The following AGBL2 variants were observed in gnomAD, a reference collection of about 807,000 sequenced individuals.
AGBL2 encodes the protein AGBL carboxypeptidase 2.
Under a neutral mutation model 103.0 loss-of-function variants are expected in AGBL2, and 87 were observed. The observed-to-expected ratio is 0.84, with a 90% CI of 0.71 to 1.01. The LOEUF (loss-of-function observed/expected upper bound fraction) is 1.01, where lower values mean the gene tolerates loss of function less well. AGBL2 is among the 50% of genes least tolerant of loss of function. The pLI is 0.00. For synonymous variants in AGBL2, 335 were observed against 356.7 expected, an observed-to-expected ratio of 0.94 and a Z score of 0.69; for missense variants, 904 against 1,023.5, an observed-to-expected ratio of 0.88 and a Z score of 1.59.
At chr11:47,686,096 C>T in intron 10 of AGBL2, 47 bp from the exon 11 acceptor site, 2 of 1,570,604 alleles carry the variant, frequency 1.3e-6, no homozygotes, top group Non-Finnish European at 1.7e-6. Context: ...CAAATGCATA[C>T]AAATAATTAA....
rs1462917680 is a variant in AGBL2 at position 47,680,046 on chromosome 11, A to G, written c.1943T>C (p.Ile648Thr). 1 of 1,609,116 alleles carries G rather than the reference A, an allele frequency of 6.2e-7. No individual in the cohort carries two copies. Among genetic ancestry groups the G allele is most frequent in the East Asian group, 2.2e-5 (1 of 44,762 alleles). ...ATAACCTAAGGACTTCAGATCTTCG[A>G]TGGTAAAGTGGGTGTCTCTTTTATT... Reference protein sequence around the residue: ...LGNKRDTHFTIEDLKSLGYHV... With the variant: ...LGNKRDTHFTTEDLKSLGYHV... Residue 648 changes from isoleucine (I) to threonine (T), a missense_variant, in exon 13 of 19, where the codon ATC becomes ACC. Coordinates refer to ENST00000525123, the MANE Select transcript of AGBL2 (RefSeq NM_024783.4).
intron 12 of AGBL2, among the ~76,000 whole-genome samples, chr11:47,681,609 C>G (rs1015287187): frequency 6.6e-6 from 1 of 152,110 alleles, no homozygotes; most frequent in Admixed American, 6.6e-5. Flanking sequence ...CTGGGACTAC[C>G]GGCACGTGCC....
chr11:47,685,766 T>C (rs746278273), intron 11 of AGBL2, 127 bp downstream of exon 11: 52 of 1,039,860 alleles, frequency 5.0e-5, no homozygotes, highest in Middle Eastern at 3.2e-4. Flanking sequence ...TCTTGAAGTC[T>C]AGGTTGCTCG....
At chr11:47,706,349 T>C (rs1367421559) in intron 4 of AGBL2, among the ~76,000 whole-genome samples, 1 of 151,876 alleles carries the variant, frequency 6.6e-6, no homozygotes, top group African/African-American at 2.4e-5. Flanking sequence ...ATCCTGTCTC[T>C]ACTAAAAATA....
At chr11:47,673,748 C>T (rs967903371) in intron 14 of AGBL2, among the ~76,000 whole-genome samples, 3 of 140,168 alleles carry the variant, frequency 2.1e-5, no homozygotes, top group Non-Finnish European at 4.5e-5. Flanking sequence ...GAGCTGAGAT[C>T]ACGCCATTGG....
chr11:47,690,112 A>T lies in AGBL2; in HGVS notation c.1595T>A (p.Phe532Tyr). ...RHYKTILKES[F>Y]PCIWYTRNMI... ...GTTCCTGGTGTACCAAATACAAGGG[A>T]AAGACTCCTTCAGAATGGTTTTATA... The change falls in exon 10 of 19, where the codon TTC becomes TAC. Residue 532 changes from phenylalanine to tyrosine, a missense_variant. Coordinates refer to ENST00000525123, the MANE Select transcript of AGBL2 (RefSeq NM_024783.4). The T allele has an allele frequency of 6.2e-7, 1 of 1,611,786 alleles. No homozygotes were observed. Among genetic ancestry groups the T allele is most frequent in the Non-Finnish European group, 8.5e-7 (1 of 1,179,456 alleles).
intron 16 of AGBL2, 65 bp from the exon 17 acceptor site, chr11:47,667,128 A>G (rs2097343373): frequency 3.8e-5 from 43 of 1,129,218 alleles, no homozygotes; most frequent in Non-Finnish European, 5.4e-5. Context: ...AATTTACCCA[A>G]CAGCAAAACT....
In AGBL2 at chr11:47,710,509, G is replaced by A. The variant is rs1388941024; in HGVS notation, c.100C>T (p.Gln34Ter). ...HLQYYGYFKA[Q>*]RGSLPNSATH... ...GCAGAGTTTGGTAAACTGCCTCTCT[G>A]AGCTAAAAATTGGCAGTTTAATTAA... is the stretch of plus-strand genomic sequence containing the variant. The change falls in exon 4 of 19, where the codon CAG becomes TAG. Residue 34 changes from glutamine to a stop codon, truncating the protein, a stop_gained and splice_region_variant. Coordinates refer to ENST00000525123, the MANE Select transcript of AGBL2 (RefSeq NM_024783.4). LOFTEE classifies it high-confidence loss of function. 4.3e-6 allele frequency: 7 copies of A among 1,613,922 alleles called. No homozygotes were observed. Among genetic ancestry groups the A allele is most frequent in the Non-Finnish European group, 5.9e-6 (7 of 1,180,034 alleles).
Position 47,705,574 on chromosome 11 carries a change from G to A in AGBL2, c.347C>T (p.Pro116Leu), listed in dbSNP as rs1356740758. ...WRGLSSLQPP[P>L]PRFKDSPASA... is the part of the protein sequence containing the mutation. ...GGCAGGAGAATCCTTGAATCTGGGAGGTGGAGGTTGCAGTGAGCTGAGGCC... is the reference window on the plus strand; with the variant it reads ...GGCAGGAGAATCCTTGAATCTGGGAAGTGGAGGTTGCAGTGAGCTGAGGCC... Residue 116 changes from proline to leucine, a missense_variant, in exon 6 of 19, where the codon CCT becomes CTT. Transcript: ENST00000525123. 3 of 473,384 alleles carry A rather than the reference G, an allele frequency of 6.3e-6. No individual in the cohort carries two copies. In the Admixed American group the frequency reaches 9.7e-5, roughly 15 times the overall value. 29.3% of individuals were successfully genotyped at this position (473,384 alleles called of 1,614,324 possible). A position where few individuals can be genotyped will look rare whatever the true frequency, so the allele number is the denominator to read the frequency against.
chr11:47,711,661 G>A (rs1193697061), intron 3 of AGBL2, among the ~76,000 whole-genome samples: 2 of 152,208 alleles, frequency 1.3e-5, no homozygotes, highest in Non-Finnish European at 1.5e-5. Flanking sequence ...CGCCTTCCGA[G>A]TAGCTGGGAT....
chr11:47,666,921 T>A (rs1371485461), intron 17 of AGBL2, 35 bp downstream of exon 17: 1 of 1,319,422 alleles, frequency 7.6e-7, no homozygotes, highest in African/African-American at 1.4e-5. Context: ...GGTTAGAGAA[T>A]CTGTGTGACA....
At chr11:47,709,249 A>G (rs1188482127) in intron 4 of AGBL2, among the ~76,000 whole-genome samples, 1 of 151,280 alleles carries the variant, frequency 6.6e-6, no homozygotes, top group East Asian at 2.0e-4. Flanking sequence ...AATTGATTGG[A>G]GGGGGCGGGG....
At chr11:47,661,956 C>A (rs139808394) in intron 18 of AGBL2, among the ~76,000 whole-genome samples, 9 of 152,054 alleles carry the variant, frequency 5.9e-5, no homozygotes, top group Non-Finnish European at 1.2e-4. Flanking sequence ...ACCATGTTGG[C>A]CAGGCTGGTC....
At chr11:47,675,740 T>C (rs2097372695) in intron 14 of AGBL2, among the ~76,000 whole-genome samples, 1 of 152,044 alleles carries the variant, frequency 6.6e-6, no homozygotes, top group African/African-American at 2.4e-5. Context: ...GCATGGTGTC[T>C]CACGCTTGTA....
At chr11:47,682,634 C>CCT (rs1253081126) in intron 11 of AGBL2, among the ~76,000 whole-genome samples, 2 of 152,148 alleles carry the variant, frequency 1.3e-5, no homozygotes, top group Non-Finnish European at 2.9e-5. Context: ...TGCCTGGAAC[C>CCT]CTCTCCCTTA....
intron 10 of AGBL2, 148 bp from the exon 11 acceptor site, chr11:47,686,197 C>T: frequency 1.3e-6 from 1 of 752,670 alleles, no homozygotes. Context: ...TGGACCCTAT[C>T]TCCATTCTCA....
chr11:47,676,464 C>T (rs1490210917), intron 14 of AGBL2, among the ~76,000 whole-genome samples: 4 of 152,192 alleles, frequency 2.6e-5, no homozygotes, highest in Non-Finnish European at 5.9e-5. Flanking sequence ...AGTCTCCCTG[C>T]TTAGAACTTC....
intron 1 of AGBL2, 140 bp from the exon 2 acceptor site, chr11:47,714,890 C>T (rs895034232): frequency 3.7e-6 from 2 of 543,464 alleles, no homozygotes; most frequent in African/African-American, 1.9e-5. Flanking sequence ...GCCAGAGGTG[C>T]ATCTGAGACA....
rs34044161 is a variant in AGBL2, at chr11:47,675,375, G to GTTT, written c.2147+1893_2147+1895dup. Reference sequence around the variant, plus strand: ...GGTGCATACCCCGACCCCCTGCTAAGTTTTTTTTTTTTTTTTTTTTTTTTT... The same window carrying GTTT: ...GGTGCATACCCCGACCCCCTGCTAAGTTTTTTTTTTTTTTTTTTTTTTTTTTTT... On this transcript the variant is annotated intron_variant, in intron 14 of 18. Transcript: ENST00000525123. Among the ~76,000 whole-genome samples, 56 of 55,118 alleles carry GTTT rather than the reference G, an allele frequency of 1.0e-3. 3 individuals are homozygous for GTTT. Among genetic ancestry groups the GTTT allele is most frequent in the African/African-American group, 1.1e-3 (15 of 13,620 alleles). The allele number at this position is 55,118 out of a possible 152,430, so 36.2% of individuals were successfully genotyped here.
Sources: allele counts gnomAD v4.1 joint callset (sites outside exome capture counted in the v4.1 genomes callset), GRCh38; gene constraint gnomAD v4.1.1; transcripts MANE v1.5; gene names NCBI Gene and HGNC (gene_info 2026-07-23, HGNC 2026-07-21).